Variants in CCSER1 observed in about 807,000 individuals in gnomAD.
The protein encoded by CCSER1 is coiled-coil serine rich protein 1.
Under a neutral mutation model 82.0 loss-of-function variants are expected in CCSER1, and 41 were observed. The ratio of observed to expected loss-of-function variants is 0.50; its 90% confidence interval spans 0.39 to 0.65. The LOEUF (loss-of-function observed/expected upper bound fraction) is 0.65. CCSER1 is among the 30% of genes least tolerant of loss of function. The pLI is 0.00. For missense variants in CCSER1, 1,119 were observed against 1,064.2 expected (o/e 1.05, Z -0.72); for synonymous variants, 414 against 383.9 (o/e 1.08, Z -0.92).
chr4:91,374,199 A>G (rs1405509725), intron 10 of CCSER1, among the ~76,000 whole-genome samples: 1 of 152,200 alleles, frequency 6.6e-6, no homozygotes, highest in East Asian at 1.9e-4. Flanking sequence ...AGGTGGCCGC[A>G]TTTCAAATAG....
chr4:90,461,449 A>G (rs1762917846), intron 4 of CCSER1, among the ~76,000 whole-genome samples: 1 of 152,176 alleles, frequency 6.6e-6, no homozygotes, highest in South Asian at 2.1e-4. Context: ...CTTTAGGATC[A>G]AATACTAATG....
chr4:90,850,533 A>G (rs1763750575), intron 8 of CCSER1, among the ~76,000 whole-genome samples: 3 of 152,252 alleles, frequency 2.0e-5, no homozygotes, highest in Admixed American at 2.0e-4. Flanking sequence ...AATGTGAGAC[A>G]TAGAGTCAAA....
chr4:90,691,771 G>A (rs1241668170), intron 6 of CCSER1, among the ~76,000 whole-genome samples: 1 of 151,466 alleles, frequency 6.6e-6, no homozygotes, highest in Non-Finnish European at 1.5e-5. Flanking sequence ...CATGTCACAG[G>A]GGTTTGGCAT....
intron 10 of CCSER1, among the ~76,000 whole-genome samples, chr4:91,434,223 C>T (rs958289230): frequency 1.7e-4 from 25 of 151,162 alleles, no homozygotes; most frequent in African/African-American, 6.1e-4. Context: ...TTTGTGGAAT[C>T]GCTGGTATTT....
In CCSER1 at chr4:90,433,869, G is replaced by GAGAT. The variant is rs1553910665; in HGVS notation, c.1603+33741_1603+33742insGATA. On this transcript the variant is annotated intron_variant, in intron 4 of 10. Transcript: ENST00000509176. ...ATGTTCATAATTTTGATTTCCTGGA[G>GAGAT]ATATATATATATATATATGCAAATT... Among the ~76,000 whole-genome samples the GAGAT allele has an allele frequency of 6.8e-5, 10 of 147,828 alleles. No individual in the cohort carries two copies. In the East Asian group the frequency reaches 1.4e-3, roughly 20 times the overall value.
At chr4:91,412,123 T>C (rs923352746) in intron 10 of CCSER1, among the ~76,000 whole-genome samples, 14 of 152,240 alleles carry the variant, frequency 9.2e-5, no homozygotes, top group African/African-American at 3.1e-4. Flanking sequence ...CCTGGAAGAA[T>C]TGTTTTGAGA....
chr4:90,864,528 A>G lies in CCSER1; in HGVS notation c.2094+48683A>G, dbSNP rs569335604. Among the ~76,000 whole-genome samples the G allele has an allele frequency of 8.2e-4, 124 of 152,084 alleles. 2 individuals are homozygous for G. In the South Asian group the frequency reaches 0.023, roughly 29 times the overall value. The stretch of plus-strand genomic sequence containing the variant: ...CCTCCTACCATGTGATGACACATCA[A>G]AAAGATCATCATAAGGTGTGGCCCC... On this transcript the variant is annotated intron_variant, in intron 8 of 10. Coordinates refer to ENST00000509176, the MANE Select transcript of CCSER1 (RefSeq NM_001145065.2).
chr4:91,548,345 T>C (rs964066600), intron 10 of CCSER1, among the ~76,000 whole-genome samples: 1 of 152,116 alleles, frequency 6.6e-6, no homozygotes, highest in Non-Finnish European at 1.5e-5. Flanking sequence ...CGGTCATACA[T>C]GCACATAAAT....
At chr4:91,480,205 A>G (rs550014760) in intron 10 of CCSER1, among the ~76,000 whole-genome samples, 1,586 of 152,086 alleles carry the variant, frequency 0.01, 13 homozygotes, top group Middle Eastern at 0.02. Flanking sequence ...ATGAACATAC[A>G]TGTGCATGTG....
chr4:91,504,023 T>C (rs910124702), intron 10 of CCSER1, among the ~76,000 whole-genome samples: 2 of 152,202 alleles, frequency 1.3e-5, no homozygotes, highest in African/African-American at 4.8e-5. Context: ...ATAAGTCCTT[T>C]TTATTTACTT....
chr4:90,498,240 G>GAACAATAAT (rs1346672526), intron 5 of CCSER1, among the ~76,000 whole-genome samples: 2 of 152,056 alleles, frequency 1.3e-5, no homozygotes, highest in Non-Finnish European at 2.9e-5. Context: ...TAATTAAATA[G>GAACAATAAT]AACAATAATA....
chr4:90,827,757 A>G (rs1760647130), intron 8 of CCSER1, among the ~76,000 whole-genome samples: 1 of 152,152 alleles, frequency 6.6e-6, no homozygotes, highest in Admixed American at 6.5e-5. Flanking sequence ...TTGCCCTCTG[A>G]GAGTTTAATA....
intron 10 of CCSER1, among the ~76,000 whole-genome samples, chr4:91,197,619 A>G (rs113374714): frequency 1.3e-5 from 2 of 152,248 alleles, no homozygotes; most frequent in African/African-American, 4.8e-5. Flanking sequence ...GTTGAATTGT[A>G]TAAGATGTTA....
intron 10 of CCSER1, among the ~76,000 whole-genome samples, chr4:91,108,497 C>T (rs1390654872): frequency 6.6e-6 from 1 of 152,160 alleles, no homozygotes; most frequent in Non-Finnish European, 1.5e-5. Context: ...TGCCTATTAA[C>T]TGATACCATT....
At chr4:90,184,165 T>A (rs1734193918) in intron 1 of CCSER1, among the ~76,000 whole-genome samples, 1 of 152,122 alleles carries the variant, frequency 6.6e-6, no homozygotes, top group African/African-American at 2.4e-5. Flanking sequence ...GTGACAAGTT[T>A]GTGCCTAGTT....
At position 91,414,410 on chromosome 4, in the gene CCSER1, G is replaced by GA. The variant is rs1284638622; in HGVS notation, c.2218-184155dup. 6.6e-5 allele frequency among the ~76,000 whole-genome samples: 10 copies of GA among 151,710 alleles called. No individual in the cohort carries two copies. The South Asian group carries it at 8.3e-4, about 13-fold the overall frequency. ...ATGTAAACCCAATGGTGACTGTAAG[G>GA]AAAAAAACCTGTAGTAGATACATAA... On this transcript the variant is annotated intron_variant, in intron 10 of 10. Transcript: ENST00000509176.
At chr4:90,137,121 T>G (rs1723839619) in intron 1 of CCSER1, among the ~76,000 whole-genome samples, 1 of 152,198 alleles carries the variant, frequency 6.6e-6, no homozygotes, top group Non-Finnish European at 1.5e-5. Context: ...ATATTAAAAG[T>G]ACTCATTAAT....
intron 10 of CCSER1, among the ~76,000 whole-genome samples, chr4:91,095,907 T>C (rs1428216599): frequency 1.3e-5 from 2 of 152,180 alleles, no homozygotes; most frequent in East Asian, 1.9e-4. Flanking sequence ...GACATGGTCC[T>C]CTAGCCATTT....
At chr4:90,958,180 C>CT (rs1023683072) in intron 9 of CCSER1, among the ~76,000 whole-genome samples, 2 of 152,194 alleles carry the variant, frequency 1.3e-5, no homozygotes, top group East Asian at 1.9e-4. Context: ...AATAATCCTT[C>CT]TTTTTTTCAG....
Sources: gnomAD v4.1 joint callset for allele counts (sites outside exome capture counted in the v4.1 genomes callset) on GRCh38, gnomAD v4.1.1 for gene constraint, MANE v1.5 for transcripts, NCBI Gene and HGNC (gene_info 2026-07-23, HGNC 2026-07-21) for gene names.